Variants in FBXL19 observed in about 807,000 individuals in gnomAD.
FBXL19 encodes the protein F-box/LRR-repeat protein 19.
Under a neutral mutation model 71.2 loss-of-function variants are expected in FBXL19, and 16 were observed. The observed-to-expected ratio is 0.22, with a 90% confidence interval of 0.15 to 0.34. FBXL19 has a LOEUF of 0.34. Among genes scored for constraint, FBXL19 ranks in the 10% least tolerant of loss-of-function variants. The pLI is 1.00. For synonymous variants in FBXL19, 447 were observed against 409.4 expected (o/e 1.09, Z -1.11); for missense variants, 658 against 968.2 (o/e 0.68, Z 4.25).
chr16:30,926,061 A>G (rs945240400), intron 2 of FBXL19, 130 bp downstream of exon 2: 23 of 1,325,276 alleles, frequency 1.7e-5, no homozygotes, highest in Non-Finnish European at 2.2e-5. Flanking sequence ...CCCTTCATTC[A>G]CTAGTTTGTG....
intron 9 of FBXL19, among the ~76,000 whole-genome samples, chr16:30,944,459 C>T (rs1022814811): frequency 4.6e-5 from 7 of 151,978 alleles, no homozygotes; most frequent in African/African-American, 1.5e-4. Flanking sequence ...TCTGTTCCTG[C>T]ATTAGTTTGC....
At chr16:30,941,692 G>A (rs1017267359) in intron 7 of FBXL19, among the ~76,000 whole-genome samples, 2 of 152,120 alleles carry the variant, frequency 1.3e-5, no homozygotes, top group Non-Finnish European at 2.9e-5. Flanking sequence ...GAAGCCCAAG[G>A]GTGGCTGGAG....
intron 7 of FBXL19, among the ~76,000 whole-genome samples, chr16:30,938,537 G>C (rs1193700490): frequency 1.3e-5 from 2 of 152,140 alleles, no homozygotes; most frequent in East Asian, 3.9e-4. Flanking sequence ...TGGGCCTCTG[G>C]AGTAGGTCTG....
At chr16:30,940,759 C>T (rs944536836) in intron 7 of FBXL19, among the ~76,000 whole-genome samples, 6 of 152,024 alleles carry the variant, frequency 3.9e-5, no homozygotes, top group Non-Finnish European at 5.9e-5. Context: ...CTCCGCCTCC[C>T]GGGTTCAAGT....
rs1315354089 is a variant in FBXL19, at chr16:30,930,733, A to G, written c.1301+149A>G. The G allele has an allele frequency of 1.1e-6, 1 of 877,052 alleles. No individual in the cohort carries two copies. 54.3% of individuals were successfully genotyped at this position (877,052 alleles called of 1,614,324 possible). ...CACAGATTACAGTGCATCCTTCCGT[A>G]TTTCCCGTGTGCAGGCTACTTTCCA... is the stretch of plus-strand genomic sequence containing the variant. On this transcript the variant is annotated intron_variant, in intron 7 of 10. Coordinates refer to ENST00000338343, the MANE Select transcript of FBXL19 (RefSeq NM_001382779.1). This position sits in a 1 kb window ranked among gnomAD's most constrained non-coding sequence, Gnocchi z 8.5.
In FBXL19 at chr16:30,942,452, C is replaced by T; in HGVS notation, c.1543C>T (p.Arg515Trp). Reference sequence around the variant, plus strand: ...GGGCTCAGCCCCACTGCCAGCCCTGCGGCTCCTGGACCTCCGCTGGATCGA... The same window carrying T: ...GGGCTCAGCCCCACTGCCAGCCCTGTGGCTCCTGGACCTCCGCTGGATCGA... ...ALGSAPLPAL[R>W]LLDLRWIEDV... Residue 515 changes from arginine (R) to tryptophan (W), a missense_variant, in exon 9 of 11, where the codon CGG (arginine) becomes TGG (tryptophan). Coordinates refer to ENST00000338343, the MANE Select transcript of FBXL19 (RefSeq NM_001382779.1). The surrounding 1 kb of genome is among the most constrained non-coding windows in gnomAD (Gnocchi z 5.7). 2 of 1,605,472 alleles carry T rather than the reference C, an allele frequency of 1.2e-6. No homozygotes were observed. The highest frequency in any genetic ancestry group is 8.5e-7 in the Non-Finnish European group (1 of 1,176,334).
rs368006356 is a variant in FBXL19 at position 30,927,141 on chromosome 16, A to G, written c.178-167A>G. On this transcript the variant is annotated intron_variant, in intron 2 of 10. Transcript: ENST00000338343. The stretch of plus-strand genomic sequence containing the variant: ...AGAAACGGAGACTTAAGGAGGTTAA[A>G]TCAGTTGCTTGAGGTCACACTCCCA... Among the ~76,000 whole-genome samples, 419 of 152,318 alleles carry G rather than the reference A, an allele frequency of 2.8e-3. 5 individuals carry two copies. The highest frequency in any genetic ancestry group is 2.4e-3 in the Non-Finnish European group (162 of 68,032).
rs1320278212 is a variant in FBXL19 at position 30,938,723 on chromosome 16, G to A, written c.1302-3393G>A. ...GCAGTCTCGGCTCACTGCCAGCTCC[G>A]CCTCCTGGGTTCACGCCATTCTCCT... On this transcript the variant is annotated intron_variant, in intron 7 of 10. Transcript: ENST00000338343. Among the ~76,000 whole-genome samples, 5 of 151,912 alleles carry A rather than the reference G, an allele frequency of 3.3e-5. No individual in the cohort carries two copies. In the East Asian group the frequency reaches 7.7e-4, roughly 24 times the overall value.
chr16:30,936,613 T>TG (rs1462299999), intron 7 of FBXL19, among the ~76,000 whole-genome samples: 1 of 147,434 alleles, frequency 6.8e-6, no homozygotes, highest in Non-Finnish European at 1.5e-5. Context: ...TTTTTTTTTT[T>TG]TTTTTTTGTT....
At position 30,927,782 on chromosome 16, in the gene FBXL19, A is replaced by G. The variant is rs1435960218; in HGVS notation, c.446A>G (p.Asn149Ser). ...GEGPGRRRADNGEEGASLGSG... is the reference protein window; with the variant it reads ...GEGPGRRRADSGEEGASLGSG... ...GGGCCTGGCCGCCGTAGGGCCGACA[A>G]CGGCGAGGAGGGCGCCAGCTTGGGG... The change falls in exon 5 of 11, where the codon AAC (asparagine) becomes AGC (serine). Residue 149 changes from asparagine (N) to serine (S), a missense_variant. Asn to Ser is a conservative substitution (Grantham distance 46). Transcript: ENST00000338343. The G allele has an allele frequency of 1.3e-6, 2 of 1,556,324 alleles. No individual in the cohort carries two copies. Among genetic ancestry groups the G allele is most frequent in the African/African-American group, 2.7e-5 (2 of 73,350 alleles).
chr16:30,943,811 CTT>C (rs1161388555), intron 9 of FBXL19, among the ~76,000 whole-genome samples: 4 of 152,132 alleles, frequency 2.6e-5, no homozygotes, highest in East Asian at 1.9e-4. Context: ...CCAAAAGAAT[CTT>C]TTCTTTTGGA....
At chr16:30,935,092 A>T (rs2055717554) in intron 7 of FBXL19, among the ~76,000 whole-genome samples, 3 of 152,196 alleles carry the variant, frequency 2.0e-5, no homozygotes, top group Admixed American at 2.0e-4. Flanking sequence ...AAGGACCAGG[A>T]AGTGGTGGTT....
chr16:30,942,548 G>A lies in FBXL19; in HGVS notation c.1627+12G>A. 6.4e-7 allele frequency: 1 copy of A among 1,568,244 alleles called. No homozygotes were observed. The highest frequency in any genetic ancestry group is 8.7e-7 in the Non-Finnish European group (1 of 1,155,362). On this transcript the variant is annotated intron_variant, in intron 9 of 10. Coordinates refer to ENST00000338343, the MANE Select transcript of FBXL19 (RefSeq NM_001382779.1). This position sits in a 1 kb window ranked among gnomAD's most constrained non-coding sequence, Gnocchi z 5.7. ...AGACACCAAACCAGGTGCAACCTCT[G>A]TTTGCTTTTCTGGAGAATGGGCTGG...
At chr16:30,945,810 C>T (rs528147747) in intron 9 of FBXL19, among the ~76,000 whole-genome samples, 3 of 137,650 alleles carry the variant, frequency 2.2e-5, no homozygotes, top group Non-Finnish European at 4.5e-5. Flanking sequence ...TGTACCACTG[C>T]ACTCCAGCCT....
chr16:30,931,118 G>T (rs2055668557), intron 7 of FBXL19, among the ~76,000 whole-genome samples: 1 of 151,942 alleles, frequency 6.6e-6, no homozygotes, highest in African/African-American at 2.4e-5. Flanking sequence ...CTTTCCTTCT[G>T]CCCTGGAGCC....
intron 7 of FBXL19, among the ~76,000 whole-genome samples, chr16:30,933,953 A>G (rs1477421281): frequency 1.3e-5 from 2 of 149,856 alleles, no homozygotes; most frequent in East Asian, 4.0e-4. Context: ...GGGTTTCTCC[A>G]TGTTGGTCAG....
Position 30,947,835 on chromosome 16 carries a change from C to A in FBXL19, c.*605C>A. 1 of 447,886 alleles carries A rather than the reference C, an allele frequency of 2.2e-6. No homozygotes were observed. The highest frequency in any genetic ancestry group is 1.6e-5 in the South Asian group (1 of 63,512). 27.7% of individuals were successfully genotyped at this position (447,886 alleles called of 1,614,324 possible). On this transcript the variant is annotated 3_prime_UTR_variant, in exon 11 of 11. Transcript: ENST00000338343. ...CCCCTTGGGGGTCACCTCTCTGCTTCCCCCCTCCCCAGGCTTCAGTTCCTT... is the reference window on the plus strand; with the variant it reads ...CCCCTTGGGGGTCACCTCTCTGCTTACCCCCTCCCCAGGCTTCAGTTCCTT...
chr16:30,946,618 G>A lies in FBXL19; in HGVS notation c.1628-112G>A. The A allele has an allele frequency of 3.9e-6, 4 of 1,019,968 alleles. No homozygotes were observed. The highest frequency in any genetic ancestry group is 5.8e-6 in the Non-Finnish European group (4 of 694,898). 63.2% of individuals were successfully genotyped at this position (1,019,968 alleles called of 1,614,324 possible). ...GTTTTTGAGAAGAGCAAGCCACAGA[G>A]TGCACCAGGTCACTCACTTATGTGG... On this transcript the variant is annotated intron_variant, in intron 9 of 10. Coordinates refer to ENST00000338343, the MANE Select transcript of FBXL19 (RefSeq NM_001382779.1). This position sits in a 1 kb window ranked among gnomAD's most constrained non-coding sequence, Gnocchi z 6.7.
chr16:30,927,255 C>G, intron 2 of FBXL19, 53 bp from the exon 3 acceptor site: 1 of 1,508,026 alleles, frequency 6.6e-7, no homozygotes, highest in Non-Finnish European at 8.9e-7. Flanking sequence ...AAGGAAGGGT[C>G]TTTCCCCTGT....
Sources: allele counts gnomAD v4.1 joint callset (sites outside exome capture counted in the v4.1 genomes callset), GRCh38; gene constraint gnomAD v4.1.1; non-coding constraint Gnocchi (gnomAD v3.1); transcripts MANE v1.5; gene names NCBI Gene and HGNC (gene_info 2026-07-23, HGNC 2026-07-21).